Variants in PBRM1 observed in about 807,000 individuals in gnomAD.
The protein encoded by PBRM1 is protein polybromo-1.
PBRM1 carries 27 observed loss-of-function variants against 194.5 expected under a neutral mutation model. The ratio of observed to expected loss-of-function variants is 0.14; its 90% confidence interval spans 0.10 to 0.19. The LOEUF (loss-of-function observed/expected upper bound fraction) is 0.19. Among genes scored for constraint, PBRM1 ranks in the 10% least tolerant of loss-of-function variants. PBRM1 has a pLI of 1.00. For synonymous variants in PBRM1, 655 were observed against 693.2 expected (o/e 0.94, Z 0.87); for missense variants, 1,466 against 2,077.2 (o/e 0.71, Z 5.72).
At chr3:52,644,767 A>G (rs1185098475) in exon 8 of PBRM1, 15 of 1,509,380 alleles carry the variant, frequency 9.9e-6, no homozygotes, top group Non-Finnish European at 1.3e-5. Flanking sequence ...CATATAAAAT[A>G]TTTTTTTAAT....
chr3:52,627,379 G>C lies in PBRM1; in HGVS notation c.1444-9C>G, dbSNP rs2095479108. ...AGCTCTTTCTTCTTTGCCTAAAACAGAGCAGATCTCAGGAGTTGAGCTCAT... is the reference window on the plus strand; with the variant it reads ...AGCTCTTTCTTCTTTGCCTAAAACACAGCAGATCTCAGGAGTTGAGCTCAT... On this transcript the variant is annotated splice_polypyrimidine_tract_variant and intron_variant, in intron 12 of 29. Coordinates refer to ENST00000296302, the Ensembl canonical transcript of PBRM1. 3 of 1,579,026 alleles carry C rather than the reference G, an allele frequency of 1.9e-6. No homozygotes were observed. The highest frequency in any genetic ancestry group is 2.6e-6 in the Non-Finnish European group (3 of 1,148,432).
At chr3:52,570,879 C>T (rs2086867077) in intron 22 of PBRM1, among the ~76,000 whole-genome samples, 1 of 150,742 alleles carries the variant, frequency 6.6e-6, no homozygotes, top group African/African-American at 2.4e-5. Flanking sequence ...GTGCCCTACA[C>T]ATCTTTGTTT....
intron 11 of PBRM1, among the ~76,000 whole-genome samples, chr3:52,631,110 C>A (rs2095603420): frequency 6.6e-6 from 1 of 152,046 alleles, no homozygotes; most frequent in African/African-American, 2.4e-5. Context: ...ACCAAAAAAA[C>A]TAATCTTCTG....
At chr3:52,549,916 C>A (rs1242461400) in intron 29 of PBRM1, among the ~76,000 whole-genome samples, 9 of 134,174 alleles carry the variant, frequency 6.7e-5, no homozygotes, top group East Asian at 2.3e-4. Context: ...AAAAAAAAAA[C>A]AACCCAAAAA....
chr3:52,663,351 C>A (rs1208624459), intron 3 of PBRM1, among the ~76,000 whole-genome samples: 1 of 152,216 alleles, frequency 6.6e-6, no homozygotes. Context: ...AGTTTCTGTA[C>A]TGCCAGGGAG....
chr3:52,672,170 G>A (rs1336278467), intron 2 of PBRM1, among the ~76,000 whole-genome samples: 1 of 152,154 alleles, frequency 6.6e-6, no homozygotes, highest in Non-Finnish European at 1.5e-5. Flanking sequence ...GAGCTCACCT[G>A]CATCCCTTGG....
chr3:52,562,888 C>T (rs1231893414), intron 24 of PBRM1, among the ~76,000 whole-genome samples: 6 of 152,058 alleles, frequency 3.9e-5, no homozygotes, highest in African/African-American at 1.4e-4. Flanking sequence ...ACAATCACCT[C>T]AACCAAAAGA....
In PBRM1 at chr3:52,634,948, C is replaced by T. The variant is rs189361165; in HGVS notation, c.1088-133G>A. On this transcript the variant is annotated intron_variant, in intron 10 of 29. Coordinates refer to ENST00000296302, the Ensembl canonical transcript of PBRM1. Reference sequence around the variant, plus strand: ...ACTATTATTACTATTATTTTTGAGACAGGGTCTGGCTTTGTCACCCAGGCT... The same window carrying T: ...ACTATTATTACTATTATTTTTGAGATAGGGTCTGGCTTTGTCACCCAGGCT... The T allele has an allele frequency of 4.3e-4, 301 of 700,154 alleles. 3 individuals are homozygous for T. The East Asian group carries it at 8.1e-3, about 19-fold the overall frequency. 43.4% of individuals were successfully genotyped at this position (700,154 alleles called of 1,614,324 possible). A position where few individuals can be genotyped will look rare whatever the true frequency, so the allele number is the denominator to read the frequency against.
chr3:52,575,724 G>C (rs2089386335), intron 22 of PBRM1, among the ~76,000 whole-genome samples: 1 of 147,760 alleles, frequency 6.8e-6, no homozygotes, highest in Non-Finnish European at 1.5e-5. Flanking sequence ...TATGTTGGCA[G>C]GCTGTTCTCA....
At chr3:52,668,368 A>G in intron 3 of PBRM1, 130 bp downstream of exon 4, 1 of 622,196 alleles carries the variant, frequency 1.6e-6, no homozygotes, top group Non-Finnish European at 2.8e-6. Context: ...CTCTTTACGA[A>G]TAAGACAAAT....
chr3:52,665,480 C>T (rs1296248700), intron 3 of PBRM1, among the ~76,000 whole-genome samples: 1 of 152,112 alleles, frequency 6.6e-6, no homozygotes, highest in Non-Finnish European at 1.5e-5. Flanking sequence ...TATTTTATGG[C>T]AGGGGTCCCC....
At position 52,665,051 on chromosome 3, in the gene PBRM1, AAAG is replaced by A. The variant is rs537130857; in HGVS notation, c.385-2778_385-2776del. On this transcript the variant is annotated intron_variant, in intron 3 of 29. Transcript: ENST00000296302. ...AGAAAAGAAAAGACAGATAACCTTT[AAAG>A]GAACTACAATCATACTGGCGGATGA... 1.5e-4 allele frequency among the ~76,000 whole-genome samples: 23 copies of A among 152,364 alleles called. No individual in the cohort carries two copies. In the East Asian group the frequency reaches 2.7e-3, roughly 18 times the overall value.
intron 20 of PBRM1, among the ~76,000 whole-genome samples, chr3:52,580,951 T>C (rs76409912): frequency 0.038 from 5,842 of 152,272 alleles, 379 homozygotes; most frequent in African/African-American, 0.13. Flanking sequence ...TTCTCACTAA[T>C]GTAAAGATGG....
intron 10 of PBRM1, among the ~76,000 whole-genome samples, chr3:52,641,446 C>CAAAAAAAAAAAAAAAAAAAAAA (rs386396638): frequency 1.4e-5 from 1 of 69,946 alleles, no homozygotes; most frequent in Non-Finnish European, 2.6e-5. Context: ...GACTCCATCT[C>CAAAAAAAAAAAAAAAAAAAAAA]AAAAAAAAAA....
At chr3:52,668,681 C>T in intron 2 of PBRM1, 36 bp from the exon 4 acceptor site, 5 of 1,291,026 alleles carry the variant, frequency 3.9e-6, no homozygotes, top group Non-Finnish European at 5.3e-6. Context: ...GGAGATTAAT[C>T]TGAAGCTTAC....
chr3:52,589,846 G>T (rs764676864), intron 17 of PBRM1, among the ~76,000 whole-genome samples: 1 of 151,236 alleles, frequency 6.6e-6, no homozygotes, highest in African/African-American at 2.4e-5. Context: ...TATTTTTTTC[G>T]AGACGGAGTT....
chr3:52,605,601 CTCTT>C (rs1560288910), intron 16 of PBRM1, among the ~76,000 whole-genome samples: 1 of 148,128 alleles, frequency 6.8e-6, no homozygotes, highest in Non-Finnish European at 1.5e-5. Context: ...TCCGGAAAGT[CTCTT>C]TTTTTTTTTT....
intron 4 of PBRM1, among the ~76,000 whole-genome samples, chr3:52,661,086 C>T (rs1232555526): frequency 6.6e-6 from 1 of 151,974 alleles, no homozygotes; most frequent in Non-Finnish European, 1.5e-5. Flanking sequence ...AGTACAGTGG[C>T]GCCATCTCGG....
chr3:52,662,389 A>C, intron 3 of PBRM1, 113 bp from the exon 5 acceptor site: 1 of 802,690 alleles, frequency 1.2e-6, no homozygotes. Flanking sequence ...AAATTTTAAC[A>C]TCCTCATGAT....
Sources: gnomAD v4.1 joint callset for allele counts (sites outside exome capture counted in the v4.1 genomes callset) on GRCh38, gnomAD v4.1.1 for gene constraint, MANE v1.5 for transcripts, NCBI Gene and HGNC (gene_info 2026-07-23, HGNC 2026-07-21) for gene names.